SAMMSON: variants seen among roughly 807,000 people sequenced by gnomAD.
SAMMSON encodes the protein survival associated mitochondrial melanoma specific oncogenic non-coding RNA.
chr3:70,184,928 T>C (rs1287297783), intron 4 of SAMMSON, among the ~76,000 whole-genome samples: 1 of 152,224 alleles, frequency 6.6e-6, no homozygotes, highest in Non-Finnish European at 1.5e-5. Context: ...AAGACAGCGC[T>C]ATCTCCACCA....
chr3:70,132,914 G>C (rs191844784), intron 4 of SAMMSON, among the ~76,000 whole-genome samples: 2 of 151,988 alleles, frequency 1.3e-5, no homozygotes, highest in African/African-American at 4.8e-5. Flanking sequence ...CATTCCCATC[G>C]CTGACTTAGA....
chr3:70,290,932 C>T (rs932146347), intron 6 of SAMMSON, among the ~76,000 whole-genome samples: 3 of 152,112 alleles, frequency 2.0e-5, no homozygotes, highest in Admixed American at 1.3e-4. Flanking sequence ...GCACGGTGCG[C>T]GCACCCACTG....
At chr3:70,234,313 C>T (rs576095816) in intron 4 of SAMMSON, among the ~76,000 whole-genome samples, 12 of 152,246 alleles carry the variant, frequency 7.9e-5, no homozygotes, top group African/African-American at 2.9e-4. Flanking sequence ...ATGCTAGGCA[C>T]TCTGATGAGG....
chr3:70,130,938 G>A (rs1435400740), intron 4 of SAMMSON, among the ~76,000 whole-genome samples: 1 of 152,112 alleles, frequency 6.6e-6, no homozygotes, highest in Non-Finnish European at 1.5e-5. Flanking sequence ...ATAACTGGTT[G>A]TTTTATGCCA....
In SAMMSON at chr3:70,409,353, A is replaced by G. The variant is rs867156867; in HGVS notation, n.233+51029A>G. ...TGACATTTTAATTTTCTTTGAGATT[A>G]ATTTCATAAAATATGACTAAATAGA... On this transcript the variant is annotated intron_variant and non_coding_transcript_variant, in intron 2 of 3. Coordinates refer to the SAMMSON transcript ENST00000641053. Among the ~76,000 whole-genome samples the G allele has an allele frequency of 6.6e-5, 10 of 152,356 alleles. No homozygotes were observed. The South Asian group carries it at 1.0e-3, about 16-fold the overall frequency.
intron 2 of SAMMSON, among the ~76,000 whole-genome samples, chr3:70,399,642 G>C (rs1186489532): frequency 6.6e-6 from 1 of 152,066 alleles, no homozygotes; most frequent in South Asian, 2.1e-4. Flanking sequence ...AAGGCAGTTG[G>C]ATCACCTGAG....
At chr3:70,258,575 T>C (rs6549311) in intron 6 of SAMMSON, among the ~76,000 whole-genome samples, 150,377 of 152,230 alleles carry the variant, frequency 0.99, 74,286 homozygotes, top group Non-Finnish European at 1. Flanking sequence ...CTATCCATTG[T>C]AAACAGGGAA....
At chr3:70,161,251 CAATCTTAGGGGACTTCCTTCAGTCTTTT>C (rs1396828358) in intron 4 of SAMMSON, among the ~76,000 whole-genome samples, 1 of 151,960 alleles carries the variant, frequency 6.6e-6, no homozygotes, top group African/African-American at 2.4e-5. Flanking sequence ...ATCCTGTTCC[CAATCTTAGGGGACTTCCTTCAGTCTTTT>C]ATGAGGAAGT....
In SAMMSON at chr3:70,312,657, G is replaced by A. The variant is rs72945369; in HGVS notation, n.739+21414G>A. ...TTCCTCTATCCTGACAAAAATGAGTGAAGAAGCAAATACACTCCCTCCCGG... is the reference window on the plus strand; with the variant it reads ...TTCCTCTATCCTGACAAAAATGAGTAAAGAAGCAAATACACTCCCTCCCGG... On this transcript the variant is annotated intron_variant and non_coding_transcript_variant, in intron 7 of 9. Transcript: ENST00000642114. 4.1e-3 allele frequency: 620 copies of A among 152,226 alleles called. 3 individuals carry two copies. The highest frequency in any genetic ancestry group is 0.014 in the African/African-American group (571 of 41,542). The allele number at this position is 152,226 out of a possible 1,614,324, so 9.4% of individuals were successfully genotyped here. A position where few individuals can be genotyped will look rare whatever the true frequency, so the allele number is the denominator to read the frequency against.
intron 4 of SAMMSON, among the ~76,000 whole-genome samples, chr3:70,123,667 G>A (rs1469212169): frequency 6.6e-6 from 1 of 152,214 alleles, no homozygotes; most frequent in African/African-American, 2.4e-5. Flanking sequence ...TCTGGGAATA[G>A]TTTACATGGC....
At chr3:70,084,166 G>A (rs78781101) in intron 4 of SAMMSON, among the ~76,000 whole-genome samples, 104 of 152,098 alleles carry the variant, frequency 6.8e-4, no homozygotes, top group African/African-American at 2.4e-3. Flanking sequence ...TTTGTGTGTC[G>A]TTCTTCAGCA....
At chr3:70,292,763 TAAAG>T (rs1702251086) in intron 7 of SAMMSON, among the ~76,000 whole-genome samples, 1 of 152,138 alleles carries the variant, frequency 6.6e-6, no homozygotes, top group South Asian at 2.1e-4. Context: ...TGTTTGCAGA[TAAAG>T]AAAAGAATTA....
downstream of SAMMSON, among the ~76,000 whole-genome samples, chr3:70,392,637 A>T (rs1701059778): frequency 6.6e-6 from 1 of 152,164 alleles, no homozygotes; most frequent in African/African-American, 2.4e-5. Flanking sequence ...CTCTAGCATC[A>T]GTCAGGCTTC....
chr3:70,166,388 A>G (rs1439771152), intron 4 of SAMMSON, among the ~76,000 whole-genome samples: 1 of 152,054 alleles, frequency 6.6e-6, no homozygotes, highest in Non-Finnish European at 1.5e-5. Context: ...GAAGAATAGC[A>G]GTTACCCCTG....
intron 4 of SAMMSON, among the ~76,000 whole-genome samples, chr3:70,189,464 T>C (rs1701115483): frequency 6.6e-6 from 1 of 152,190 alleles, no homozygotes; most frequent in South Asian, 2.1e-4. Flanking sequence ...CAGTTTCCAT[T>C]ATTTTTCTCC....
chr3:70,123,042 A>C (rs981555955), intron 4 of SAMMSON, among the ~76,000 whole-genome samples: 5 of 152,120 alleles, frequency 3.3e-5, no homozygotes, highest in Non-Finnish European at 7.3e-5. Flanking sequence ...CCTAGCCCTT[A>C]CCTGATAACT....
intron 7 of SAMMSON, among the ~76,000 whole-genome samples, chr3:70,334,179 T>C (rs1056275745): frequency 6.6e-6 from 1 of 152,204 alleles, no homozygotes; most frequent in Non-Finnish European, 1.5e-5. Context: ...TGCAAGCAGC[T>C]TTCTGCTATT....
chr3:70,071,178 G>T (rs2067228061), intron 3 of SAMMSON, among the ~76,000 whole-genome samples: 1 of 152,006 alleles, frequency 6.6e-6, no homozygotes, highest in African/African-American at 2.4e-5. Context: ...GCATCACAAA[G>T]AGGTACAATC....
intron 4 of SAMMSON, among the ~76,000 whole-genome samples, chr3:70,245,404 A>T (rs1270885187): frequency 6.6e-6 from 1 of 151,804 alleles, no homozygotes; most frequent in East Asian, 1.9e-4. Context: ...GTATAGATTT[A>T]AAAAGTACAT....
Sources: gnomAD v4.1 joint callset for allele counts (sites outside exome capture counted in the v4.1 genomes callset) on GRCh38, gnomAD v4.1.1 for gene constraint, MANE v1.5 for transcripts, NCBI Gene and HGNC (gene_info 2026-07-23, HGNC 2026-07-21) for gene names.